The following SPAG16 variants were observed in gnomAD, a reference collection of about 807,000 sequenced individuals.
SPAG16 encodes sperm associated antigen 16, also known as sperm-associated antigen 16 protein.
A neutral mutation model predicts 80.4 loss-of-function variants in SPAG16; 86 were observed. The observed-to-expected ratio is 1.07, with a 90% CI of 0.90 to 1.28. The LOEUF (loss-of-function observed/expected upper bound fraction) is 1.28, where lower values mean the gene tolerates loss of function less well. SPAG16 is among the 50% of genes most tolerant of loss of function. The pLI, the probability that SPAG16 is intolerant of heterozygous loss-of-function variation, is 0.00. For synonymous variants in SPAG16, 294 were observed against 265.9 expected (o/e 1.11, Z -1.03); for missense variants, 870 against 765.3 (o/e 1.14, Z -1.61).
At chr2:213,455,674 T>C (rs2071958093) in intron 9 of SPAG16, among the ~76,000 whole-genome samples, 1 of 152,200 alleles carries the variant, frequency 6.6e-6, no homozygotes, top group Non-Finnish European at 1.5e-5. Context: ...GCTTGCAACC[T>C]AGATCCCTCA....
At chr2:214,031,116 G>A (rs1222667079) in intron 13 of SPAG16, among the ~76,000 whole-genome samples, 4 of 152,028 alleles carry the variant, frequency 2.6e-5, no homozygotes, top group Non-Finnish European at 5.9e-5. Flanking sequence ...ATGTACAGAT[G>A]GGTTTTTGGT....
intron 11 of SPAG16, among the ~76,000 whole-genome samples, chr2:213,921,046 C>T (rs897760131): frequency 2.6e-5 from 4 of 152,188 alleles, no homozygotes; most frequent in Non-Finnish European, 5.9e-5. Context: ...AGTCCCCTGC[C>T]TGGTAGCCTC....
At chr2:214,376,867 C>A (rs762850701) in intron 15 of SPAG16, among the ~76,000 whole-genome samples, 1 of 152,114 alleles carries the variant, frequency 6.6e-6, no homozygotes, top group Admixed American at 6.6e-5. Context: ...TATCAGTTGA[C>A]CCTGGAACAA....
At chr2:214,240,449 T>A (rs1689382457) in intron 15 of SPAG16, 1 of 152,302 alleles carries the variant, frequency 6.6e-6, no homozygotes, top group East Asian at 1.9e-4. Flanking sequence ...GGTGGATGGA[T>A]AAACAACCAT....
chr2:214,048,390 A>G (rs966484274), intron 13 of SPAG16, among the ~76,000 whole-genome samples: 1 of 152,190 alleles, frequency 6.6e-6, no homozygotes, highest in African/African-American at 2.4e-5. Flanking sequence ...AAAAAATGTC[A>G]TCTTCTCACT....
intron 10 of SPAG16, among the ~76,000 whole-genome samples, chr2:213,652,567 A>C (rs1367797278): frequency 6.6e-6 from 1 of 151,958 alleles, no homozygotes; most frequent in East Asian, 1.9e-4. Flanking sequence ...CATATTGTCT[A>C]TATTGTATTA....
At chr2:213,319,904 T>A (rs2063545402) in intron 5 of SPAG16, among the ~76,000 whole-genome samples, 1 of 151,934 alleles carries the variant, frequency 6.6e-6, no homozygotes, top group South Asian at 2.1e-4. Flanking sequence ...TACTAACATA[T>A]CAGATTATAG....
intron 13 of SPAG16, among the ~76,000 whole-genome samples, chr2:214,071,993 T>A (rs1374781041): frequency 6.6e-6 from 1 of 152,144 alleles, no homozygotes; most frequent in Admixed American, 6.6e-5. Flanking sequence ...ATCATAAATA[T>A]GTACAAGCTA....
chr2:214,020,081 G>T (rs13404642), intron 13 of SPAG16, among the ~76,000 whole-genome samples: 56,928 of 151,816 alleles, frequency 0.37, 11,265 homozygotes, highest in South Asian at 0.69. Context: ...AATCTGATTG[G>T]GTGGGTACCA....
At chr2:213,672,024 A>T (rs1211179279) in intron 10 of SPAG16, among the ~76,000 whole-genome samples, 1 of 152,216 alleles carries the variant, frequency 6.6e-6, no homozygotes, top group Non-Finnish European at 1.5e-5. Flanking sequence ...TGATTTAGCC[A>T]TAGAGTCTTT....
intron 10 of SPAG16, among the ~76,000 whole-genome samples, chr2:213,629,227 C>G (rs956215164): frequency 2.6e-5 from 4 of 152,122 alleles, no homozygotes; most frequent in Non-Finnish European, 5.9e-5. Context: ...CTTCAACAGC[C>G]TCATCAATAA....
At chr2:214,068,299 C>A (rs2050624963) in intron 13 of SPAG16, among the ~76,000 whole-genome samples, 1 of 152,236 alleles carries the variant, frequency 6.6e-6, no homozygotes, top group South Asian at 2.1e-4. Context: ...AAGGGAATTA[C>A]AGAAAATAAG....
At chr2:214,168,494 C>G (rs897343902) in intron 15 of SPAG16, among the ~76,000 whole-genome samples, 1 of 152,014 alleles carries the variant, frequency 6.6e-6, no homozygotes, top group African/African-American at 2.4e-5. Flanking sequence ...ACATGACACG[C>G]ACGCACACAC....
intron 9 of SPAG16, among the ~76,000 whole-genome samples, chr2:213,404,406 T>C (rs1232922768): frequency 1.3e-5 from 2 of 152,132 alleles, no homozygotes; most frequent in Non-Finnish European, 1.5e-5. Context: ...TAATGCTGCA[T>C]ATCTACAACT....
At chr2:213,959,712 C>T (rs1009882992) in intron 12 of SPAG16, among the ~76,000 whole-genome samples, 1 of 152,150 alleles carries the variant, frequency 6.6e-6, no homozygotes, top group Non-Finnish European at 1.5e-5. Context: ...TTCCAGTCAG[C>T]CTCCCATCAG....
chr2:213,907,278 A>C (rs2077469282), intron 11 of SPAG16, among the ~76,000 whole-genome samples: 1 of 152,156 alleles, frequency 6.6e-6, no homozygotes, highest in Non-Finnish European at 1.5e-5. Flanking sequence ...ATATGAAAAG[A>C]TTCTCAACAT....
chr2:213,524,434 C>T (rs1003278983), intron 10 of SPAG16, among the ~76,000 whole-genome samples: 1 of 152,152 alleles, frequency 6.6e-6, no homozygotes, highest in Non-Finnish European at 1.5e-5. Context: ...AGAGGGCCAC[C>T]ATCCTCTAGA....
At chr2:214,354,411 A>G (rs1698636625) in intron 15 of SPAG16, among the ~76,000 whole-genome samples, 1 of 152,248 alleles carries the variant, frequency 6.6e-6, no homozygotes, top group African/African-American at 2.4e-5. Context: ...GAGTTGTAGT[A>G]TAGTTTGAAG....
intron 13 of SPAG16, among the ~76,000 whole-genome samples, chr2:214,036,939 C>T (rs968635383): frequency 6.6e-6 from 1 of 151,824 alleles, no homozygotes; most frequent in Non-Finnish European, 1.5e-5. Flanking sequence ...TTTCACCTTC[C>T]TTTTTGTTTT....
Sources: gnomAD v4.1 joint callset for allele counts (sites outside exome capture counted in the v4.1 genomes callset) on GRCh38, gnomAD v4.1.1 for gene constraint, MANE v1.5 for transcripts, NCBI Gene and HGNC (gene_info 2026-07-23, HGNC 2026-07-21) for gene names.